The following BCL2L1 variants were observed in gnomAD, a reference collection of about 807,000 sequenced individuals.
BCL2L1 encodes the protein BCL2 like 1, also known as bcl-2-like protein 1.
In BCL2L1, 1 loss-of-function variant was observed where a neutral mutation model predicts 18.7. The observed-to-expected ratio is 0.05, with a 90% CI of 0.02 to 0.25. The LOEUF is 0.25. Ranked by LOEUF, BCL2L1 falls within the 10% of genes least tolerant of loss-of-function variation. The pLI, the probability that BCL2L1 is intolerant of heterozygous loss-of-function variation, is 1.00. For missense variants in BCL2L1, 207 were observed against 304.9 expected (o/e 0.68, Z 2.39); for synonymous variants, 103 against 122.7 (o/e 0.84, Z 1.06).
chr20:31,691,890 G>A (rs923971096), intron 2 of BCL2L1, among the ~76,000 whole-genome samples: 13 of 152,180 alleles, frequency 8.5e-5, no homozygotes, highest in African/African-American at 3.1e-4. Context: ...ATTTAAGTCT[G>A]ACCATATCAA....
chr20:31,708,099 G>A (rs1413540683), intron 2 of BCL2L1, among the ~76,000 whole-genome samples: 1 of 152,178 alleles, frequency 6.6e-6, no homozygotes, highest in East Asian at 1.9e-4. Flanking sequence ...GAGATGGGGA[G>A]GTAAGGAAAG....
At chr20:31,721,498 T>TA in intron 2 of BCL2L1, 157 bp downstream of exon 2, 1 of 850,740 alleles carries the variant, frequency 1.2e-6, no homozygotes, top group African/African-American at 1.7e-5. Flanking sequence ...TCCAAGGAGT[T>TA]AACCTCTTGT....
chr20:31,674,236 T>C (rs1189222457), intron 2 of BCL2L1, among the ~76,000 whole-genome samples: 4 of 152,240 alleles, frequency 2.6e-5, no homozygotes, highest in African/African-American at 9.6e-5. Flanking sequence ...CCTGAGCACA[T>C]ACTCTGTAAG....
intron 2 of BCL2L1, among the ~76,000 whole-genome samples, chr20:31,674,353 G>C (rs943745536): frequency 1.3e-5 from 2 of 152,298 alleles, no homozygotes; most frequent in South Asian, 4.1e-4. Flanking sequence ...GCCCACAGAT[G>C]ATCTGTGAAT....
rs534294704 is a variant in BCL2L1 at position 31,671,079 on chromosome 20, CTTGAG to C, written c.565-4998_565-4994del. Among the ~76,000 whole-genome samples the C allele has an allele frequency of 1.4e-4, 21 of 152,138 alleles. No individual in the cohort carries two copies. The South Asian group carries it at 2.9e-3, about 21-fold the overall frequency. ...CCCAAGGGCCTGTCTGCATCCTCTGCTTGAGTTAAGAGGAAAGTGGGGTAGCTGAC... is the reference window on the plus strand; with the variant it reads ...CCCAAGGGCCTGTCTGCATCCTCTGCTTAAGAGGAAAGTGGGGTAGCTGAC... On this transcript the variant is annotated intron_variant, in intron 2 of 2. Transcript: ENST00000307677.
intron 2 of BCL2L1, chr20:31,720,198 G>A (rs1024099071): frequency 6.2e-6 from 6 of 971,774 alleles, no homozygotes; most frequent in Non-Finnish European, 7.3e-6. Context: ...CAGACGAGTT[G>A]AAATTGCAAA....
chr20:31,700,367 C>A (rs1453146019), intron 2 of BCL2L1, among the ~76,000 whole-genome samples: 1 of 152,174 alleles, frequency 6.6e-6, no homozygotes, highest in East Asian at 1.9e-4. Context: ...AATCAGCAGC[C>A]CAACCAGTGG....
intron 2 of BCL2L1, among the ~76,000 whole-genome samples, chr20:31,690,361 G>C (rs542894784): frequency 1.3e-5 from 2 of 152,034 alleles, no homozygotes; most frequent in Non-Finnish European, 2.9e-5. Flanking sequence ...AAACTGCTGG[G>C]ATTACAGGTG....
At chr20:31,687,156 AAAAACAAAAC>A (rs970874781) in intron 2 of BCL2L1, among the ~76,000 whole-genome samples, 3 of 152,160 alleles carry the variant, frequency 2.0e-5, no homozygotes, top group African/African-American at 4.8e-5. Flanking sequence ...CCATCTCTAC[AAAAACAAAAC>A]AAAACAAAAC....
chr20:31,718,184 AG>A (rs1469997263), intron 2 of BCL2L1, among the ~76,000 whole-genome samples: 1 of 152,178 alleles, frequency 6.6e-6, no homozygotes, highest in Non-Finnish European at 1.5e-5. Context: ...ACAGCCGAAC[AG>A]GTTCAGCATT....
intron 2 of BCL2L1, among the ~76,000 whole-genome samples, chr20:31,697,980 C>T (rs752161167): frequency 4.0e-5 from 6 of 148,592 alleles, no homozygotes; most frequent in Admixed American, 2.7e-4. Flanking sequence ...CTCCACCTCC[C>T]GGGCTCAAGC....
At chr20:31,685,551 A>G (rs1178297952) in intron 2 of BCL2L1, among the ~76,000 whole-genome samples, 1 of 152,232 alleles carries the variant, frequency 6.6e-6, no homozygotes, top group African/African-American at 2.4e-5. Flanking sequence ...AAAGTTCCAC[A>G]TGGTCAGGTT....
chr20:31,720,957 G>A, intron 2 of BCL2L1: 2 of 985,414 alleles, frequency 2.0e-6, no homozygotes, highest in African/African-American at 1.7e-5. Flanking sequence ...CTTAATGTGT[G>A]ACACAGCAAG....
chr20:31,723,752 C>G (rs1266192805), upstream of BCL2L1: 1 of 985,294 alleles, frequency 1.0e-6, no homozygotes, highest in Non-Finnish European at 1.2e-6. Flanking sequence ...CCCCGCGAGC[C>G]GTGGGGGGCC....
At position 31,665,913 on chromosome 20, in the gene BCL2L1, G is replaced by T; in HGVS notation, c.*36C>A. The T allele has an allele frequency of 6.2e-7, 1 of 1,605,792 alleles. No homozygotes were observed. The highest frequency in any genetic ancestry group is 8.5e-7 in the Non-Finnish European group (1 of 1,175,292). ...ACGGAGGATGTGGTGGAGCAGAGAA[G>T]GGGGTGGGAGGGTAGAGTGGATGGT... On this transcript the variant is annotated 3_prime_UTR_variant, in exon 3 of 3. Transcript: ENST00000307677.
chr20:31,692,689 T>C (rs1247721906), intron 2 of BCL2L1, among the ~76,000 whole-genome samples: 1 of 151,950 alleles, frequency 6.6e-6, no homozygotes, highest in Non-Finnish European at 1.5e-5. Flanking sequence ...GGCTGGTGGA[T>C]CACGAGGTCA....
At chr20:31,692,465 T>C (rs1253677366) in intron 2 of BCL2L1, among the ~76,000 whole-genome samples, 1 of 152,230 alleles carries the variant, frequency 6.6e-6, no homozygotes, top group Non-Finnish European at 1.5e-5. Flanking sequence ...CACAGCATAA[T>C]ACCTAAATGA....
At chr20:31,686,810 T>C (rs1332085488) in intron 2 of BCL2L1, among the ~76,000 whole-genome samples, 1 of 151,724 alleles carries the variant, frequency 6.6e-6, no homozygotes, top group Non-Finnish European at 1.5e-5. Flanking sequence ...CCTCAAGCAA[T>C]AAGAAAAAAT....
At chr20:31,715,344 G>A (rs1390608903) in intron 2 of BCL2L1, among the ~76,000 whole-genome samples, 1 of 150,966 alleles carries the variant, frequency 6.6e-6, no homozygotes, top group Non-Finnish European at 1.5e-5. Context: ...AATGCTGTAT[G>A]CGATCTGGCC....
Sources: gnomAD v4.1 joint callset for allele counts (sites outside exome capture counted in the v4.1 genomes callset) on GRCh38, gnomAD v4.1.1 for gene constraint, MANE v1.5 for transcripts, NCBI Gene and HGNC (gene_info 2026-07-23, HGNC 2026-07-21) for gene names.